The following FBXO15 variants were observed in gnomAD, a reference collection of about 807,000 sequenced individuals.
The protein encoded by FBXO15 is F-box only protein 15.
Under a neutral mutation model 49.5 loss-of-function variants are expected in FBXO15, and 30 were observed. The observed-to-expected ratio is 0.61, with a 90% CI of 0.45 to 0.82. The LOEUF (loss-of-function observed/expected upper bound fraction) is 0.82, where lower values mean the gene tolerates loss of function less well. FBXO15 is among the 40% of genes least tolerant of loss of function. The pLI is 0.00. For synonymous variants in FBXO15, 250 were observed against 232.7 expected (o/e 1.07, Z -0.68); for missense variants, 591 against 631.5 (o/e 0.94, Z 0.69).
chr18:74,095,067 C>G (rs74638859), intron 8 of FBXO15, among the ~76,000 whole-genome samples: 1,555 of 152,322 alleles, frequency 0.01, 29 homozygotes, highest in African/African-American at 0.035. Flanking sequence ...CAGCTTCCTA[C>G]CTTTTATCAG....
chr18:74,108,165 C>T (rs1202405574), intron 8 of FBXO15, among the ~76,000 whole-genome samples: 2 of 152,134 alleles, frequency 1.3e-5, no homozygotes, highest in Non-Finnish European at 2.9e-5. Context: ...AAAAGCAAAA[C>T]ACACAGTATG....
At chr18:74,126,296 C>G (rs1914707973) in intron 5 of FBXO15, among the ~76,000 whole-genome samples, 195 bp from the exon 6 acceptor site, 1 of 152,208 alleles carries the variant, frequency 6.6e-6, no homozygotes, top group Non-Finnish European at 1.5e-5. Context: ...TCCAAGCCAA[C>G]TAGGTATTTC....
chr18:74,091,359 T>C (rs1345807075), intron 8 of FBXO15, among the ~76,000 whole-genome samples: 2 of 152,224 alleles, frequency 1.3e-5, no homozygotes, highest in Non-Finnish European at 2.9e-5. Flanking sequence ...CTTGTCACTC[T>C]GTGCCTTTTA....
At chr18:74,106,766 C>T (rs1458919422) in intron 8 of FBXO15, among the ~76,000 whole-genome samples, 2 of 152,066 alleles carry the variant, frequency 1.3e-5, no homozygotes, top group Admixed American at 1.3e-4. Flanking sequence ...GTCCTTTTCA[C>T]CTCTCAAATC....
At chr18:74,119,323 T>C (rs1303029615) in intron 8 of FBXO15, among the ~76,000 whole-genome samples, 3 of 152,208 alleles carry the variant, frequency 2.0e-5, no homozygotes, top group African/African-American at 7.2e-5. Flanking sequence ...GCCCCTCAAC[T>C]GCATGGCCTT....
chr18:74,081,210 A>G (rs1912479595), intron 9 of FBXO15, among the ~76,000 whole-genome samples: 1 of 152,224 alleles, frequency 6.6e-6, no homozygotes, highest in African/African-American at 2.4e-5. Flanking sequence ...CAAGGTGCGC[A>G]TGCATAGCGC....
intron 8 of FBXO15, among the ~76,000 whole-genome samples, chr18:74,116,494 T>C (rs2145175558): frequency 6.6e-6 from 1 of 151,366 alleles, no homozygotes; most frequent in East Asian, 1.9e-4. Flanking sequence ...CCTGGAAATG[T>C]CCATACAGAA....
chr18:74,131,289 G>A (rs533817159), intron 3 of FBXO15, among the ~76,000 whole-genome samples: 2 of 152,272 alleles, frequency 1.3e-5, no homozygotes, highest in East Asian at 3.9e-4. Flanking sequence ...TCCTCAGAAA[G>A]AAACCAGGAG....
rs113032549 is a variant in FBXO15, at chr18:74,124,772, GACC to G, written c.913-204_913-202del. Among the ~76,000 whole-genome samples the G allele has an allele frequency of 6.0e-4, 91 of 152,226 alleles. 1 individual carries two copies. The highest frequency in any genetic ancestry group is 2.2e-3 in the African/African-American group (90 of 41,542). Reference sequence around the variant, plus strand: ...GACTTATATTTCATATTGACAGCAGGACCACAATTCACCCAAATATGCAGAGCA... The same window carrying G: ...GACTTATATTTCATATTGACAGCAGGACAATTCACCCAAATATGCAGAGCA... On this transcript the variant is annotated intron_variant, in intron 6 of 9. Transcript: ENST00000419743.
intron 8 of FBXO15, among the ~76,000 whole-genome samples, chr18:74,121,706 A>G (rs372239450): frequency 5.4e-4 from 82 of 152,350 alleles, no homozygotes; most frequent in African/African-American, 1.9e-3. Context: ...AGAAATGTCT[A>G]TAACTGACTA....
chr18:74,125,369 A>G (rs2145192925), intron 6 of FBXO15, among the ~76,000 whole-genome samples: 1 of 152,354 alleles, frequency 6.6e-6, no homozygotes, highest in Admixed American at 6.5e-5. Flanking sequence ...GTCTGAAGCT[A>G]GGGTCTTAAT....
intron 8 of FBXO15, among the ~76,000 whole-genome samples, chr18:74,090,483 CA>C (rs775831048): frequency 1.3e-5 from 2 of 152,028 alleles, no homozygotes; most frequent in Non-Finnish European, 2.9e-5. Context: ...CTAGTTCCTC[CA>C]GTTGTGATGT....
intron 8 of FBXO15, chr18:74,122,719 A>T (rs934710585): frequency 6.6e-6 from 1 of 152,236 alleles, no homozygotes; most frequent in African/African-American, 2.4e-5. Context: ...TGCAAAATGA[A>T]GTACATAACT....
intron 9 of FBXO15, among the ~76,000 whole-genome samples, chr18:74,079,293 C>T (rs1252111009): frequency 6.6e-6 from 1 of 152,208 alleles, no homozygotes; most frequent in Non-Finnish European, 1.5e-5. Context: ...ATGCTGAAGA[C>T]TGCAGCAAGG....
intron 8 of FBXO15, among the ~76,000 whole-genome samples, chr18:74,107,304 C>T (rs971246591): frequency 6.6e-6 from 1 of 151,688 alleles, no homozygotes; most frequent in African/African-American, 2.4e-5. Flanking sequence ...CCGCATGATC[C>T]CACTTATATG....
At chr18:74,136,167 G>T (rs1481848381) in intron 2 of FBXO15, among the ~76,000 whole-genome samples, 2 of 152,124 alleles carry the variant, frequency 1.3e-5, no homozygotes, top group Non-Finnish European at 1.5e-5. Flanking sequence ...TGTCCCCCAT[G>T]AAACTGTGTA....
chr18:74,079,458 T>C (rs976668592), intron 9 of FBXO15, among the ~76,000 whole-genome samples: 1 of 152,166 alleles, frequency 6.6e-6, no homozygotes, highest in African/African-American at 2.4e-5. Flanking sequence ...ACAGTAGTGA[T>C]GGTTATACAA....
At chr18:74,078,198 G>C (rs567273743) in intron 9 of FBXO15, among the ~76,000 whole-genome samples, 6 of 152,220 alleles carry the variant, frequency 3.9e-5, no homozygotes, top group African/African-American at 1.4e-4. Flanking sequence ...AGCCCTCCTA[G>C]TTCTCAAAGT....
Position 74,082,020 on chromosome 18 carries a change from A to G in FBXO15, c.1170T>C (p.Ile390=), listed in dbSNP as rs1484376148. The part of the protein sequence containing the change: ...GNIENGHVKL[I]VIHLKNNREH... ...CTCTGTTATTTTTTAAATGTATAAC[A>G]ATGAGCTTCACATGTCCATTTTCAA... The change falls in exon 9 of 10, where the codon ATT becomes ATC. Residue 390 remains isoleucine (I), a synonymous_variant. Transcript: ENST00000419743. 1 of 1,612,462 alleles carries G rather than the reference A, an allele frequency of 6.2e-7. No individual in the cohort carries two copies. Among genetic ancestry groups the G allele is most frequent in the Non-Finnish European group, 8.5e-7 (1 of 1,179,360 alleles).
Sources: allele counts gnomAD v4.1 joint callset (sites outside exome capture counted in the v4.1 genomes callset), GRCh38; gene constraint gnomAD v4.1.1; transcripts MANE v1.5; gene names NCBI Gene and HGNC (gene_info 2026-07-23, HGNC 2026-07-21).